The following SERPINE2 variants were observed in gnomAD, a reference collection of about 807,000 sequenced individuals.
SERPINE2 encodes the protein serpin family E member 2.
In SERPINE2, 14 loss-of-function variants were observed where a neutral mutation model predicts 36.3. The ratio of observed to expected loss-of-function variants is 0.39; its 90% CI spans 0.25 to 0.60. The LOEUF is 0.60. Ranked by LOEUF, SERPINE2 falls within the 20% of genes least tolerant of loss-of-function variation. The pLI, the probability that SERPINE2 is intolerant of heterozygous loss-of-function variation, is 0.57. For synonymous variants in SERPINE2, 192 were observed against 191.8 expected, an observed-to-expected ratio of 1.00 and a Z score of -0.01; for missense variants, 418 against 499.6, an observed-to-expected ratio of 0.84 and a Z score of 1.56.
At chr2:224,007,581 G>A (rs7584132) in intron 1 of SERPINE2, among the ~76,000 whole-genome samples, 122,977 of 152,006 alleles carry the variant, frequency 0.81, 49,908 homozygotes, top group South Asian at 0.89. Context: ...AGATATCCAT[G>A]ACATCATTAT....
intron 1 of SERPINE2, among the ~76,000 whole-genome samples, chr2:224,024,489 G>A (rs1022163961): frequency 6.6e-6 from 1 of 152,102 alleles, no homozygotes; most frequent in African/African-American, 2.4e-5. Flanking sequence ...AAGGGCCAGG[G>A]GACGTTTGCT....
chr2:224,036,174 A>G (rs1574856187), intron 1 of SERPINE2, among the ~76,000 whole-genome samples: 1 of 152,266 alleles, frequency 6.6e-6, no homozygotes, highest in African/African-American at 2.4e-5. Context: ...TAACATGCCA[A>G]TCTGGGACTC....
chr2:224,015,202 G>C (rs1371704344), intron 1 of SERPINE2, among the ~76,000 whole-genome samples: 1 of 152,202 alleles, frequency 6.6e-6, no homozygotes, highest in East Asian at 1.9e-4. Flanking sequence ...CTGGTCTAGA[G>C]GGGAAACAGA....
At chr2:223,984,429 G>T (rs1240650927) in intron 5 of SERPINE2, among the ~76,000 whole-genome samples, 3 of 151,440 alleles carry the variant, frequency 2.0e-5, no homozygotes, top group African/African-American at 7.4e-5. Flanking sequence ...GATGACACAC[G>T]TGTGTTTTCA....
chr2:224,020,133 C>G (rs1691946544), intron 1 of SERPINE2, among the ~76,000 whole-genome samples: 1 of 152,156 alleles, frequency 6.6e-6, no homozygotes, highest in Non-Finnish European at 1.5e-5. Flanking sequence ...ATCACTTAAC[C>G]ACATTTACAT....
At chr2:223,996,448 C>T (rs905663346) in intron 3 of SERPINE2, among the ~76,000 whole-genome samples, 1 of 152,182 alleles carries the variant, frequency 6.6e-6, no homozygotes, top group Non-Finnish European at 1.5e-5. Flanking sequence ...AGGGACGCCA[C>T]GAATTTACCC....
intron 1 of SERPINE2, among the ~76,000 whole-genome samples, chr2:224,033,769 T>G (rs975955601): frequency 1.3e-5 from 2 of 151,152 alleles, no homozygotes; most frequent in Non-Finnish European, 2.9e-5. Context: ...AAATGCAGAG[T>G]GCAGCCCAGC....
At chr2:224,022,182 A>G in intron 1 of SERPINE2, among the ~76,000 whole-genome samples, 1 of 145,084 alleles carries the variant, frequency 6.9e-6, no homozygotes. Flanking sequence ...AAAAAAAAAA[A>G]TTAGCCAGGT....
chr2:224,031,071 T>G (rs763379554), intron 1 of SERPINE2: 2 of 984,636 alleles, frequency 2.0e-6, no homozygotes, highest in Non-Finnish European at 2.4e-6. Context: ...AAAGGAGGAG[T>G]GTGCTTTGAC....
intron 1 of SERPINE2, among the ~76,000 whole-genome samples, chr2:224,009,987 C>T (rs943990782): frequency 3.9e-5 from 6 of 152,172 alleles, no homozygotes; most frequent in Non-Finnish European, 5.9e-5. Context: ...ATAAGCATTA[C>T]TGAAATAATG....
intron 1 of SERPINE2, among the ~76,000 whole-genome samples, chr2:224,004,829 C>T (rs1574832707): frequency 6.6e-6 from 1 of 151,482 alleles, no homozygotes; most frequent in Non-Finnish European, 1.5e-5. Context: ...ATTCTGGTGT[C>T]TACATTCGGC....
intron 3 of SERPINE2, among the ~76,000 whole-genome samples, chr2:223,995,678 T>A (rs1256022349): frequency 2.0e-5 from 3 of 152,222 alleles, no homozygotes; most frequent in Admixed American, 2.0e-4. Context: ...GGAATGTGAG[T>A]CCCACGCAAA....
At chr2:224,004,819 AT>A (rs1691330095) in intron 1 of SERPINE2, among the ~76,000 whole-genome samples, 1 of 151,424 alleles carries the variant, frequency 6.6e-6, no homozygotes, top group Non-Finnish European at 1.5e-5. Flanking sequence ...ATTATAGTCT[AT>A]TCTGGTGTCT....
chr2:224,012,388 G>T (rs1691659898), intron 1 of SERPINE2, among the ~76,000 whole-genome samples: 1 of 152,038 alleles, frequency 6.6e-6, no homozygotes, highest in African/African-American at 2.4e-5. Context: ...AATACATTCT[G>T]GATATATCTT....
chr2:224,001,446 A>C (rs1458339373), intron 2 of SERPINE2, 196 bp downstream of exon 2: 2 of 558,474 alleles, frequency 3.6e-6, no homozygotes, highest in Non-Finnish European at 6.1e-6. Context: ...AAGGGACCAG[A>C]GTCTAGTTCT....
At position 223,975,780 on chromosome 2, in the gene SERPINE2, T is replaced by C. The variant is rs1689985814; in HGVS notation, c.*87A>G. The C allele has an allele frequency of 9.0e-7, 1 of 1,114,466 alleles. No individual in the cohort carries two copies. The highest frequency in any genetic ancestry group is 1.3e-6 in the Non-Finnish European group (1 of 775,456). The allele number at this position is 1,114,466 out of a possible 1,614,324, so 69.0% of individuals were successfully genotyped here. A position where few individuals can be genotyped will look rare whatever the true frequency, so the allele number is the denominator to read the frequency against. On this transcript the variant is annotated 3_prime_UTR_variant, in exon 9 of 9. Coordinates refer to ENST00000409304, the MANE Select transcript of SERPINE2 (RefSeq NM_001136528.2). ...GAAAAAGAAGCGATGTACAAAAATATTTAACAGAACTATGAAAGATGCAGG... is the reference window on the plus strand; with the variant it reads ...GAAAAAGAAGCGATGTACAAAAATACTTAACAGAACTATGAAAGATGCAGG...
At chr2:223,977,873 C>T in intron 7 of SERPINE2, 1 of 448,264 alleles carries the variant, frequency 2.2e-6, no homozygotes, top group Non-Finnish European at 4.1e-6. Flanking sequence ...GATAAACATA[C>T]TTACTCCTCA....
chr2:224,000,358 C>A (rs1438849623), intron 2 of SERPINE2, among the ~76,000 whole-genome samples: 2 of 152,192 alleles, frequency 1.3e-5, no homozygotes, highest in Admixed American at 1.3e-4. Flanking sequence ...TGGCTCTGGG[C>A]AAGACCCCTC....
intron 1 of SERPINE2, among the ~76,000 whole-genome samples, chr2:224,036,466 C>T (rs868389621): frequency 1.3e-5 from 2 of 149,154 alleles, no homozygotes; most frequent in Non-Finnish European, 3.0e-5. Context: ...AAACATCACA[C>T]ACTGGGGCCT....
Sources: gnomAD v4.1 joint callset for allele counts (sites outside exome capture counted in the v4.1 genomes callset) on GRCh38, gnomAD v4.1.1 for gene constraint, MANE v1.5 for transcripts, NCBI Gene and HGNC (gene_info 2026-07-23, HGNC 2026-07-21) for gene names.